Variants in GFRA2 observed in about 807,000 individuals in gnomAD.
GFRA2 encodes GDNF family receptor alpha-2.
A neutral mutation model predicts 48.3 loss-of-function variants in GFRA2; 17 were observed. The ratio of observed to expected loss-of-function variants is 0.35; its 90% CI spans 0.24 to 0.53. GFRA2 has a LOEUF of 0.53. GFRA2 is among the 20% of genes least tolerant of loss of function. The pLI, the probability that GFRA2 is intolerant of heterozygous loss-of-function variation, is 0.93. For missense variants in GFRA2, 660 were observed against 637.3 expected (o/e 1.04, Z -0.38); for synonymous variants, 305 against 257.2 (o/e 1.19, Z -1.78).
intron 3 of GFRA2, among the ~76,000 whole-genome samples, chr8:21,754,922 T>C (rs556493153): frequency 6.6e-6 from 1 of 152,016 alleles, no homozygotes; most frequent in South Asian, 2.1e-4. Context: ...TAAAAGGAAA[T>C]GAGCTATCAA....
chr8:21,765,825 T>C (rs1806124256), intron 3 of GFRA2, among the ~76,000 whole-genome samples: 1 of 152,158 alleles, frequency 6.6e-6, no homozygotes, highest in Non-Finnish European at 1.5e-5. Context: ...GCAGCTTCAC[T>C]GTTGTTCAAG....
chr8:21,803,052 A>G (rs934169879), intron 2 of GFRA2, among the ~76,000 whole-genome samples: 1 of 152,232 alleles, frequency 6.6e-6, no homozygotes, highest in Non-Finnish European at 1.5e-5. Context: ...GCAGCAACAA[A>G]CTACTGCAAA....
chr8:21,767,359 T>G lies in GFRA2; in HGVS notation c.439+7613A>C, dbSNP rs375915343. Among the ~76,000 whole-genome samples the G allele has an allele frequency of 9.4e-3, 1,424 of 152,224 alleles. 14 individuals carry two copies. The highest frequency in any genetic ancestry group is 0.033 in the African/African-American group (1,362 of 41,524). On this transcript the variant is annotated intron_variant, in intron 3 of 8. Coordinates refer to ENST00000524240, the MANE Select transcript of GFRA2 (RefSeq NM_001495.5). ...CACACATCCTACCATGCATATGCCATGCGTACTTACACTCTCCACACACCA... is the reference window on the plus strand; with the variant it reads ...CACACATCCTACCATGCATATGCCAGGCGTACTTACACTCTCCACACACCA...
At chr8:21,696,036 G>A (rs1802150049) in intron 7 of GFRA2, among the ~76,000 whole-genome samples, 1 of 150,560 alleles carries the variant, frequency 6.6e-6, no homozygotes, top group Non-Finnish European at 1.5e-5. Context: ...AAACCATTGG[G>A]AGCCCTCTCC....
intron 4 of GFRA2, among the ~76,000 whole-genome samples, chr8:21,733,698 A>G (rs927956384): frequency 6.6e-6 from 1 of 152,248 alleles, no homozygotes; most frequent in Non-Finnish European, 1.5e-5. Context: ...GTTTTCAGCT[A>G]TAATGGAAAA....
chr8:21,697,787 G>A (rs188561884), intron 7 of GFRA2, among the ~76,000 whole-genome samples: 164 of 152,240 alleles, frequency 1.1e-3, no homozygotes, highest in Non-Finnish European at 1.5e-3. Context: ...TGCTGTTCTC[G>A]TGGTAGTGAG....
At chr8:21,732,466 G>T (rs528126065) in intron 4 of GFRA2, among the ~76,000 whole-genome samples, 7 of 152,188 alleles carry the variant, frequency 4.6e-5, no homozygotes, top group Admixed American at 6.5e-5. Context: ...GGGGAGGGGG[G>T]TATCTCTCTG....
At chr8:21,697,878 G>T (rs967868976) in intron 7 of GFRA2, among the ~76,000 whole-genome samples, 1 of 152,140 alleles carries the variant, frequency 6.6e-6, no homozygotes, top group Non-Finnish European at 1.5e-5. Flanking sequence ...CATGTAAGAC[G>T]TCCCTTTGCT....
At chr8:21,758,765 C>T (rs187645706) in intron 3 of GFRA2, among the ~76,000 whole-genome samples, 3 of 152,230 alleles carry the variant, frequency 2.0e-5, no homozygotes, top group African/African-American at 4.8e-5. Context: ...GGATGGAGGG[C>T]CAGGGAAAGC....
At chr8:21,793,694 G>A (rs1397803657), upstream of GFRA2, among the ~76,000 whole-genome samples, 1 of 152,090 alleles carries the variant, frequency 6.6e-6, no homozygotes, top group Non-Finnish European at 1.5e-5. Flanking sequence ...TTCAAACTCG[G>A]GCAGTCAGGA....
Position 21,692,830 on chromosome 8 carries a change from C to G in GFRA2, c.*448G>C, listed in dbSNP as rs1011228371. The G allele has an allele frequency of 1.3e-5, 2 of 153,132 alleles. No individual in the cohort carries two copies. Among genetic ancestry groups the G allele is most frequent in the African/African-American group, 2.4e-5 (1 of 41,502 alleles). 9.5% of individuals were successfully genotyped at this position (153,132 alleles called of 1,614,324 possible). ...TGGCCAGCCCCGCTGCCCCGCTGAC[C>G]GATGCCCTCTGCCAGCCCCCAGCGG... is the stretch of plus-strand genomic sequence containing the variant. On this transcript the variant is annotated 3_prime_UTR_variant, in exon 9 of 9. Transcript: ENST00000524240.
intron 4 of GFRA2, among the ~76,000 whole-genome samples, chr8:21,732,111 G>A (rs910211797): frequency 3.3e-5 from 5 of 152,232 alleles, no homozygotes; most frequent in Non-Finnish European, 7.3e-5. Flanking sequence ...AGCTCCTGGC[G>A]TCACTGCATA....
chr8:21,703,761 C>A (rs1585229966), intron 6 of GFRA2, among the ~76,000 whole-genome samples: 1 of 152,172 alleles, frequency 6.6e-6, no homozygotes, highest in East Asian at 1.9e-4. Context: ...TCCACCCCAT[C>A]TCCCATCGCT....
intron 2 of GFRA2, among the ~76,000 whole-genome samples, chr8:21,801,777 T>A (rs1429599797): frequency 6.6e-6 from 1 of 152,098 alleles, no homozygotes; most frequent in Non-Finnish European, 1.5e-5. Flanking sequence ...CCACATCTCA[T>A]CAGCCCTGAG....
chr8:21,705,210 G>A, intron 5 of GFRA2, 85 bp from the exon 6 acceptor site: 1 of 1,397,116 alleles, frequency 7.2e-7, no homozygotes, highest in East Asian at 2.4e-5. Context: ...AGGCACAGCA[G>A]GGCAGAGGCG....
intron 4 of GFRA2, among the ~76,000 whole-genome samples, chr8:21,707,746 G>A (rs1802819938): frequency 6.6e-6 from 1 of 152,196 alleles, no homozygotes; most frequent in Admixed American, 6.5e-5. Flanking sequence ...CACTTTAACT[G>A]TTTGGGATGA....
intron 4 of GFRA2, among the ~76,000 whole-genome samples, chr8:21,742,099 A>T (rs1351995017): frequency 2.6e-5 from 4 of 152,164 alleles, no homozygotes; most frequent in Non-Finnish European, 4.4e-5. Context: ...GACCAGGGGA[A>T]GATACAGAAT....
In GFRA2 at chr8:21,751,618, C is replaced by T. The variant is rs369740477; in HGVS notation, c.440-676G>A. ...AAGCTCCTCATCCATTCTTCACCCACCCTACAAATGCTTTCCAGTATTTCC... is the reference window on the plus strand; with the variant it reads ...AAGCTCCTCATCCATTCTTCACCCATCCTACAAATGCTTTCCAGTATTTCC... On this transcript the variant is annotated intron_variant, in intron 3 of 8. Transcript: ENST00000524240. 1.4e-4 allele frequency among the ~76,000 whole-genome samples: 22 copies of T among 152,336 alleles called. 1 individual carries two copies. The highest frequency in any genetic ancestry group is 1.0e-3 in the South Asian group (5 of 4,816).
At chr8:21,712,743 G>A (rs1314841464) in intron 4 of GFRA2, among the ~76,000 whole-genome samples, 4 of 152,250 alleles carry the variant, frequency 2.6e-5, no homozygotes, top group African/African-American at 7.2e-5. Context: ...ACGAGACTCC[G>A]TCTGCAATCA....
Sources: gnomAD v4.1 joint callset for allele counts (sites outside exome capture counted in the v4.1 genomes callset) on GRCh38, gnomAD v4.1.1 for gene constraint, MANE v1.5 for transcripts, NCBI Gene and HGNC (gene_info 2026-07-23, HGNC 2026-07-21) for gene names.